Variants in CSGALNACT1 observed in about 807,000 individuals in gnomAD.
CSGALNACT1 encodes the protein chondroitin sulfate N-acetylgalactosaminyltransferase 1.
A neutral mutation model predicts 51.0 loss-of-function variants in CSGALNACT1; 52 were observed. The observed-to-expected ratio is 1.02, with a 90% CI of 0.82 to 1.29. CSGALNACT1 has a LOEUF of 1.29. Among genes scored for constraint, CSGALNACT1 ranks in the 50% most tolerant of loss-of-function variants. The pLI is 0.00. For missense variants in CSGALNACT1, 935 were observed against 679.2 expected, an observed-to-expected ratio of 1.38 and a Z score of -4.19; for synonymous variants, 341 against 254.4, an observed-to-expected ratio of 1.34 and a Z score of -3.24.
At chr8:19,512,845 A>G (rs182699765) in intron 3 of CSGALNACT1, among the ~76,000 whole-genome samples, 4 of 152,342 alleles carry the variant, frequency 2.6e-5, no homozygotes, top group Admixed American at 2.6e-4. Flanking sequence ...AAATCTGTAA[A>G]GTTAAAACAG....
chr8:19,664,867 T>C (rs376663993), intron 1 of CSGALNACT1, among the ~76,000 whole-genome samples: 8 of 152,128 alleles, frequency 5.3e-5, no homozygotes, highest in African/African-American at 1.9e-4. Flanking sequence ...TGTAAAACAA[T>C]AGACATTGGA....
At chr8:19,427,865 A>AG (rs966370155) in intron 6 of CSGALNACT1, among the ~76,000 whole-genome samples, 2 of 152,112 alleles carry the variant, frequency 1.3e-5, no homozygotes, top group Non-Finnish European at 2.9e-5. Flanking sequence ...GCCACAGGGA[A>AG]GTGTGAGTAA....
chr8:19,639,239 G>A (rs1251004314), intron 1 of CSGALNACT1, among the ~76,000 whole-genome samples: 5 of 152,176 alleles, frequency 3.3e-5, no homozygotes, highest in South Asian at 4.1e-4. Context: ...ATGTCCAAAT[G>A]GGAGAGGAGA....
chr8:19,479,141 T>C (rs1161157683), intron 4 of CSGALNACT1, among the ~76,000 whole-genome samples: 1 of 152,148 alleles, frequency 6.6e-6, no homozygotes, highest in African/African-American at 2.4e-5. Flanking sequence ...TAGGAGAAAA[T>C]ACAATTCAGA....
chr8:19,722,235 C>T (rs904031725), intron 1 of CSGALNACT1, among the ~76,000 whole-genome samples: 1 of 152,154 alleles, frequency 6.6e-6, no homozygotes, highest in African/African-American at 2.4e-5. Flanking sequence ...CCATTGACTG[C>T]TCTCTCCCCT....
intron 1 of CSGALNACT1, among the ~76,000 whole-genome samples, chr8:19,743,590 C>T (rs950685191): frequency 6.6e-6 from 1 of 152,150 alleles, no homozygotes; most frequent in African/African-American, 2.4e-5. Context: ...AGTAAGGGTT[C>T]ACCACATGGA....
In CSGALNACT1 at chr8:19,485,243, T is replaced by C. The variant is rs140994684; in HGVS notation, c.634+19958A>G. On this transcript the variant is annotated intron_variant, in intron 4 of 9. Coordinates refer to ENST00000454498, the Ensembl canonical transcript of CSGALNACT1. ...CTCGGTCAATCACAACACACTCTTG[T>C]GTGTTCGGCACAGGCTGAAATCTAC... Among the ~76,000 whole-genome samples the C allele has an allele frequency of 5.9e-5, 9 of 152,318 alleles. No individual in the cohort carries two copies. The East Asian group carries it at 1.7e-3, about 29-fold the overall frequency.
chr8:19,563,322 T>C (rs1481707939), intron 3 of CSGALNACT1, among the ~76,000 whole-genome samples: 2 of 152,104 alleles, frequency 1.3e-5, no homozygotes, highest in South Asian at 2.1e-4. Context: ...AGCTAAAGCA[T>C]GTTGGGATTA....
rs568266185 is a variant in CSGALNACT1, at chr8:19,594,489, A to G, written c.-415-3211T>C. On this transcript the variant is annotated intron_variant, in intron 2 of 9. Coordinates refer to ENST00000454498, the Ensembl canonical transcript of CSGALNACT1. ...TCAAAGGAAGAAAAGTTAGGTGACC[A>G]TTTACCAAAGAAAGAACTCAAGCTG... Among the ~76,000 whole-genome samples, 97 of 152,276 alleles carry G rather than the reference A, an allele frequency of 6.4e-4. 1 individual carries two copies. The South Asian group carries it at 0.018, about 29-fold the overall frequency.
chr8:19,444,463 C>G (rs879549599), intron 5 of CSGALNACT1, among the ~76,000 whole-genome samples: 2 of 152,086 alleles, frequency 1.3e-5, no homozygotes, highest in Non-Finnish European at 2.9e-5. Flanking sequence ...TAATTTTAAC[C>G]TGAGTTTCTG....
At chr8:19,686,576 C>T (rs2060990638), upstream of CSGALNACT1, among the ~76,000 whole-genome samples, 1 of 152,204 alleles carries the variant, frequency 6.6e-6, no homozygotes, top group African/African-American at 2.4e-5. Flanking sequence ...ACATAGAAGG[C>T]AAGTCCCAGG....
chr8:19,445,329 G>A (rs1445790365), intron 5 of CSGALNACT1, among the ~76,000 whole-genome samples: 1 of 152,214 alleles, frequency 6.6e-6, no homozygotes, highest in Non-Finnish European at 1.5e-5. Flanking sequence ...ATCCATCCTA[G>A]AATCAGGAGA....
At chr8:19,404,920 A>T (rs1391040026) in exon 10 of CSGALNACT1, 1 of 454,256 alleles carries the variant, frequency 2.2e-6, no homozygotes. Flanking sequence ...ATTAGTACAA[A>T]CCATTCCTTC....
At chr8:19,428,865 GTGTGTGTGTGTA>G (rs1404639678) in intron 6 of CSGALNACT1, among the ~76,000 whole-genome samples, 11 of 128,092 alleles carry the variant, frequency 8.6e-5, no homozygotes, top group African/African-American at 2.9e-4. Context: ...GTGTGTGTGT[GTGTGTGTGTGTA>G]TGCATGCTGT....
intron 1 of CSGALNACT1, among the ~76,000 whole-genome samples, chr8:19,693,328 C>G (rs1374444537): frequency 6.6e-6 from 1 of 152,042 alleles, no homozygotes; most frequent in African/African-American, 2.4e-5. Flanking sequence ...TGAACACCCC[C>G]ATGCAGATGC....
exon 10 of CSGALNACT1, chr8:19,405,256 GTTTCT>G (rs1267633660): frequency 2.4e-5 from 11 of 453,286 alleles, no homozygotes; most frequent in Admixed American, 7.1e-5. Flanking sequence ...GATATTTATG[GTTTCT>G]TTTCTTTTCT....
At chr8:19,701,305 C>A (rs1395979409) in intron 1 of CSGALNACT1, among the ~76,000 whole-genome samples, 3 of 151,828 alleles carry the variant, frequency 2.0e-5, no homozygotes, top group African/African-American at 4.8e-5. Flanking sequence ...ACAGATGTGC[C>A]ACCACACCAA....
chr8:19,681,115 G>A (rs532358309), intron 1 of CSGALNACT1, among the ~76,000 whole-genome samples: 1 of 152,184 alleles, frequency 6.6e-6, no homozygotes, highest in South Asian at 2.1e-4. Context: ...AAGATATGAA[G>A]GGACGACCTT....
intron 1 of CSGALNACT1, among the ~76,000 whole-genome samples, chr8:19,708,913 A>G (rs1023445976): frequency 6.6e-6 from 1 of 152,178 alleles, no homozygotes; most frequent in Admixed American, 6.5e-5. Context: ...CATGTACCAC[A>G]TATGTGGACT....
Sources: gnomAD v4.1 joint callset for allele counts (sites outside exome capture counted in the v4.1 genomes callset) on GRCh38, gnomAD v4.1.1 for gene constraint, MANE v1.5 for transcripts, NCBI Gene and HGNC (gene_info 2026-07-23, HGNC 2026-07-21) for gene names.